Variants in MLLT6 observed in about 807,000 individuals in gnomAD.
The protein encoded by MLLT6 is protein AF-17.
In MLLT6, 22 loss-of-function variants were observed where a neutral mutation model predicts 103.0. The ratio of observed to expected loss-of-function variants is 0.21; its 90% confidence interval spans 0.15 to 0.31. The LOEUF is 0.31. MLLT6 is among the 10% of genes least tolerant of loss of function. The probability of loss-of-function intolerance (pLI) is 1.00; values close to 1 mark genes in which losing one functional copy is unlikely to be tolerated. For missense variants in MLLT6, 1,199 were observed against 1,441.7 expected, an observed-to-expected ratio of 0.83 and a Z score of 2.73; for synonymous variants, 606 against 623.5, an observed-to-expected ratio of 0.97 and a Z score of 0.42.
intron 14 of MLLT6, 126 bp from the exon 15 acceptor site, chr17:38,720,246 C>A (rs998520727): frequency 6.5e-6 from 6 of 929,320 alleles, no homozygotes; most frequent in Non-Finnish European, 9.6e-6. Flanking sequence ...TCACCTGTGT[C>A]CCTCCTTAGG....
intron 1 of MLLT6, 141 bp from the exon 2 acceptor site, chr17:38,706,809 G>C: frequency 1.6e-6 from 1 of 614,600 alleles, no homozygotes; most frequent in Non-Finnish European, 2.9e-6. Flanking sequence ...CTGCTGTAGA[G>C]TGAGTGACCC....
rs879210230 is a variant in MLLT6, at chr17:38,729,778, CAAAAA to C, written c.*4193_*4197del. 1.7e-5 allele frequency: 2 copies of C among 118,768 alleles called. No individual in the cohort carries two copies. The highest frequency in any genetic ancestry group is 1.2e-4 in the East Asian group (1 of 8,672). The allele number at this position is 118,768 out of a possible 1,614,324, so 7.4% of individuals were successfully genotyped here. On this transcript the variant is annotated 3_prime_UTR_variant, in exon 20 of 20. Transcript: ENST00000621332. ...GTTCTTTTAATAAAAGAATGTTTTG[CAAAAA>C]AAAAAAAAAAAATCCGAAGAGCCCC...
chr17:38,717,030 G>A, intron 10 of MLLT6, 49 bp downstream of exon 10: 1 of 1,604,628 alleles, frequency 6.2e-7, no homozygotes, highest in African/African-American at 1.3e-5. Flanking sequence ...AGCCAGTCTA[G>A]TGAGGAACAG....
At position 38,716,281 on chromosome 17, in the gene MLLT6, G is replaced by C. The variant is rs1029608855; in HGVS notation, c.1037-86G>C. 55 of 1,404,378 alleles carry C rather than the reference G, an allele frequency of 3.9e-5. No homozygotes were observed. The highest frequency in any genetic ancestry group is 5.4e-5 in the Non-Finnish European group (55 of 1,021,850). The allele number at this position is 1,404,378 out of a possible 1,614,324, so 87.0% of individuals were successfully genotyped here. A position where few individuals can be genotyped will look rare whatever the true frequency, so the allele number is the denominator to read the frequency against. ...ACCAGGCATCCCCATTCGTGGACCA[G>C]AGCTCTCTCCCGCCAGTACACGCGG... On this transcript the variant is annotated intron_variant, in intron 9 of 19. Coordinates refer to ENST00000621332, the MANE Select transcript of MLLT6 (RefSeq NM_005937.4). This position sits in a 1 kb window ranked among gnomAD's most constrained non-coding sequence, Gnocchi z 5.6.
At chr17:38,717,112 A>G in intron 10 of MLLT6, 131 bp downstream of exon 10, 1 of 1,319,978 alleles carries the variant, frequency 7.6e-7, no homozygotes, top group East Asian at 2.5e-5. Context: ...GGAGACAGTC[A>G]CCTTCAGGAC....
chr17:38,722,776 C>T lies in MLLT6; in HGVS notation c.2883+8C>T, dbSNP rs751265065. 1.6e-5 allele frequency: 25 copies of T among 1,601,738 alleles called. No individual in the cohort carries two copies. In the Admixed American group the frequency reaches 4.0e-4, roughly 26 times the overall value. ...TCCCCGCAGCTGACCCCGGTAATGC[C>T]CCTCCCTTCCCTGCCTCAGGTGCCC... is the stretch of plus-strand genomic sequence containing the variant. On this transcript the variant is annotated splice_region_variant and intron_variant, in intron 18 of 19. Coordinates refer to ENST00000621332, the MANE Select transcript of MLLT6 (RefSeq NM_005937.4).
rs1905700424 is a variant in MLLT6, at chr17:38,720,983, C to CTG, written c.2442+236_2442+237insTG. The CTG allele has an allele frequency of 5.2e-6, 3 of 581,938 alleles. No individual in the cohort carries two copies. In the African/African-American group the frequency reaches 5.6e-5, roughly 11 times the overall value. The allele number at this position is 581,938 out of a possible 1,614,324, so 36.0% of individuals were successfully genotyped here. A position where few individuals can be genotyped will look rare whatever the true frequency, so the allele number is the denominator to read the frequency against. On this transcript the variant is annotated intron_variant, in intron 16 of 19. Transcript: ENST00000621332. ...CAGCGCTGCTTCTTAAGATAGGCTA[C>CTG]CCCAAGCAAAGAAGGAGTAATCACA...
rs577781246 is a variant in MLLT6, at chr17:38,705,756, C to T, written c.109+15C>T. On this transcript the variant is annotated intron_variant, in intron 1 of 19. Transcript: ENST00000621332. ...CGTCCACCAAGGTACGGGGGTGGCC[C>T]GCGGGGGGCGGCGGGACCCCGGGGG... 16 of 1,319,050 alleles carry T rather than the reference C, an allele frequency of 1.2e-5. No individual in the cohort carries two copies. In the Admixed American group the frequency reaches 3.0e-4, roughly 25 times the overall value. 81.7% of individuals were successfully genotyped at this position (1,319,050 alleles called of 1,614,324 possible).
intron 12 of MLLT6, 79 bp from the exon 13 acceptor site, chr17:38,719,438 T>G: frequency 8.1e-7 from 1 of 1,235,338 alleles, no homozygotes; most frequent in South Asian, 1.3e-5. Flanking sequence ...GAGGTCCCAA[T>G]CCCATATCCA....
In MLLT6 at chr17:38,719,545, G is replaced by A; in HGVS notation, c.1971G>A (p.Arg657=). Residue 657 remains arginine (R), a synonymous_variant, in exon 13 of 20, where the codon CGG becomes CGA. Coordinates refer to ENST00000621332, the MANE Select transcript of MLLT6 (RefSeq NM_005937.4). Reference sequence around the variant, plus strand: ...CAGACCTGGAGGACTGCAGCTTCCGGTGTCGGGGGACCTCCCCTCAGGAGA... The same window carrying A: ...CAGACCTGGAGGACTGCAGCTTCCGATGTCGGGGGACCTCCCCTCAGGAGA... ...TEPDLEDCSF[R]CRGTSPQESL... 6.2e-7 allele frequency: 1 copy of A among 1,611,884 alleles called. No individual in the cohort carries two copies. The highest frequency in any genetic ancestry group is 8.5e-7 in the Non-Finnish European group (1 of 1,179,250).
chr17:38,707,967 C>T (rs747794946), intron 4 of MLLT6, 95 bp downstream of exon 4: 5 of 849,230 alleles, frequency 5.9e-6, no homozygotes, highest in South Asian at 3.0e-5. Flanking sequence ...TTCTGTCCAA[C>T]GAGCACTGAA....
rs1905657169 is a variant in MLLT6, at chr17:38,720,439, G to C, written c.2223G>C (p.Leu741=). 1.7e-5 allele frequency: 27 copies of C among 1,612,884 alleles called. No homozygotes were observed. Among genetic ancestry groups the C allele is most frequent in the Non-Finnish European group, 2.3e-5 (27 of 1,179,976 alleles). The change falls in exon 15 of 20, where the codon CTG becomes CTC. Residue 741 remains leucine, a synonymous_variant. Transcript: ENST00000621332. The part of the protein sequence containing the change: ...KENQRLQEQI[L]SLTAKKERLQ... ...ACCAGCGGCTGCAAGAGCAGATCCT[G>C]AGCCTGACGGCCAAAAAGGAGCGGC...
rs969984496 is a variant in MLLT6, at chr17:38,722,755, C to T, written c.2870C>T (p.Pro957Leu). 3.1e-6 allele frequency: 5 copies of T among 1,612,558 alleles called. No individual in the cohort carries two copies. Among genetic ancestry groups the T allele is most frequent in the South Asian group, 1.1e-5 (1 of 91,008 alleles). The change falls in exon 18 of 20, where the codon CCG (proline) becomes CTG (leucine). Residue 957 changes from proline to leucine, a missense_variant. By Grantham distance (98) the Pro-to-Leu change is moderately conservative. Coordinates refer to ENST00000621332, the MANE Select transcript of MLLT6 (RefSeq NM_005937.4). ...LQQLQQLLAS[P>L]QLTPEHQTVV... ...CAACTCCAGCAGCTCCTGGCCTCCC[C>T]GCAGCTGACCCCGGTAATGCCCCTC...
rs533806497 is a variant in MLLT6, at chr17:38,727,885, A to G, written c.*2287A>G. ...GCCCTTGCCCAAGGCTGGCCCACTT[A>G]GAGCGAAACTTAACTTTTGTCTGGA... On this transcript the variant is annotated 3_prime_UTR_variant, in exon 20 of 20. Transcript: ENST00000621332. 8.6e-6 allele frequency: 2 copies of G among 233,246 alleles called. No individual in the cohort carries two copies. The highest frequency in any genetic ancestry group is 4.4e-5 in the African/African-American group (2 of 45,468). The allele number at this position is 233,246 out of a possible 1,614,324, so 14.4% of individuals were successfully genotyped here.
intron 12 of MLLT6, chr17:38,718,731 T>C (rs1033566080): frequency 2.0e-5 from 3 of 152,174 alleles, no homozygotes; most frequent in Non-Finnish European, 4.4e-5. Flanking sequence ...TCTCAACCTC[T>C]CCGGGTATTT....
rs1399731836 is a variant in MLLT6, at chr17:38,715,699, T to G, written c.907T>G (p.Ser303Ala). The G allele has an allele frequency of 3.1e-6, 5 of 1,614,086 alleles. No homozygotes were observed. Among genetic ancestry groups the G allele is most frequent in the Non-Finnish European group, 4.2e-6 (5 of 1,180,028 alleles). ...CAGCAGGGAGTCAAAGGGGAAAAAG[T>G]CTTCCAGCCATAGCCTGAGTCATAA... Reference protein sequence around the residue: ...ESSRESKGKKSSSHSLSHKGK... With the variant: ...ESSRESKGKKASSHSLSHKGK... Residue 303 changes from serine (S) to alanine (A), a missense_variant, in exon 9 of 20, where the codon TCT becomes GCT. This residue lies in a region of MLLT6 where 1,034 missense variants were observed against 1,091.5 expected (regional missense o/e 0.95). Transcript: ENST00000621332.
At position 38,722,669 on chromosome 17, in the gene MLLT6, C is replaced by A; in HGVS notation, c.2793-9C>A. 1 of 708,616 alleles carries A rather than the reference C, an allele frequency of 1.4e-6. No individual in the cohort carries two copies. The highest frequency in any genetic ancestry group is 2.4e-6 in the Non-Finnish European group (1 of 409,922). The allele number at this position is 708,616 out of a possible 1,614,324, so 43.9% of individuals were successfully genotyped here. ...GTTGTCCCCCCCCCACCCCCCACCC[C>A]CACCTCAGCCTTACAGAGCAGCAGA... On this transcript the variant is annotated splice_polypyrimidine_tract_variant and intron_variant, in intron 17 of 19. Transcript: ENST00000621332.
chr17:38,707,514 G>T lies in MLLT6; in HGVS notation c.218G>T (p.Gly73Val). The T allele has an allele frequency of 6.2e-7, 1 of 1,614,150 alleles. No homozygotes were observed. The highest frequency in any genetic ancestry group is 8.5e-7 in the Non-Finnish European group (1 of 1,180,026). The change falls in exon 3 of 20, where the codon GGG becomes GTG. Residue 73 changes from glycine (G) to valine (V), a missense_variant. Transcript: ENST00000621332. ...TGTGAGCTGTGCCCACACAAAGACG[G>T]GGCATTGAAGAGGACTGATAATGGA... Reference protein sequence around the residue: ...VRCELCPHKDGALKRTDNGGW... With the variant: ...VRCELCPHKDVALKRTDNGGW...
At chr17:38,715,589 C>G in intron 8 of MLLT6, 23 bp from the exon 9 acceptor site, 4 of 1,594,884 alleles carry the variant, frequency 2.5e-6, no homozygotes, top group Non-Finnish European at 2.6e-6. Context: ...TGGTGTTGAA[C>G]CTTCCTCTCT....
Sources: gnomAD v4.1 joint callset for allele counts on GRCh38, gnomAD v4.1.1 for gene constraint, gnomAD v4.1.1 regional missense constraint, Gnocchi (gnomAD v3.1) non-coding constraint, MANE v1.5 for transcripts, NCBI Gene and HGNC (gene_info 2026-07-23, HGNC 2026-07-21) for gene names.